The following CACNA1D variants were observed in gnomAD, a reference collection of about 807,000 sequenced individuals.
The protein encoded by CACNA1D is calcium voltage-gated channel subunit alpha1 D.
Under a neutral mutation model 257.1 loss-of-function variants are expected in CACNA1D, and 55 were observed. That is an observed-to-expected ratio of 0.21 (90% CI 0.17 to 0.27). CACNA1D has a LOEUF of 0.27. Ranked by LOEUF, CACNA1D falls within the 10% of genes least tolerant of loss-of-function variation. The pLI, the probability that CACNA1D is intolerant of heterozygous loss-of-function variation, is 1.00. For missense variants in CACNA1D, 1,876 were observed against 2,784.0 expected, an observed-to-expected ratio of 0.67 and a Z score of 7.34; for synonymous variants, 980 against 1,014.9, an observed-to-expected ratio of 0.97 and a Z score of 0.65.
At chr3:53,531,251 T>G (rs1293220267) in intron 3 of CACNA1D, among the ~76,000 whole-genome samples, 1 of 152,200 alleles carries the variant, frequency 6.6e-6, no homozygotes, top group Non-Finnish European at 1.5e-5. Flanking sequence ...TTAGGATCTA[T>G]TTTTTGGATG....
intron 37 of CACNA1D, among the ~76,000 whole-genome samples, chr3:53,777,887 A>G (rs1163894708): frequency 6.6e-6 from 1 of 152,174 alleles, no homozygotes; most frequent in Non-Finnish European, 1.5e-5. Context: ...TTTCAAGGAA[A>G]ACGCAAGGTT....
intron 3 of CACNA1D, among the ~76,000 whole-genome samples, chr3:53,594,712 C>T (rs1354493452): frequency 6.6e-6 from 1 of 152,266 alleles, no homozygotes; most frequent in Non-Finnish European, 1.5e-5. Flanking sequence ...TGATCCCACT[C>T]TCTGCATGCA....
intron 3 of CACNA1D, among the ~76,000 whole-genome samples, chr3:53,604,949 A>T (rs1310788718): frequency 6.6e-6 from 1 of 152,188 alleles, no homozygotes; most frequent in African/African-American, 2.4e-5. Context: ...GGGCTGTTGC[A>T]TTTAGGCCAC....
intron 27 of CACNA1D, among the ~76,000 whole-genome samples, chr3:53,750,533 G>A (rs1015929394): frequency 6.6e-6 from 1 of 152,208 alleles, no homozygotes; most frequent in Non-Finnish European, 1.5e-5. Flanking sequence ...AGAACATGCC[G>A]GTTTGTGTTT....
chr3:53,774,419 T>C lies in CACNA1D; in HGVS notation c.4111-168T>C, dbSNP rs999288442. 3 of 632,054 alleles carry C rather than the reference T, an allele frequency of 4.7e-6. No individual in the cohort carries two copies. The Admixed American group carries it at 6.9e-5, about 15-fold the overall frequency. 39.2% of individuals were successfully genotyped at this position (632,054 alleles called of 1,614,324 possible). A position where few individuals can be genotyped will look rare whatever the true frequency, so the allele number is the denominator to read the frequency against. ...CGTTCCCAGTGTGTAACCTGCTGCCTGGCACATGGTTGTGCCTGGCAGATC... is the reference window on the plus strand; with the variant it reads ...CGTTCCCAGTGTGTAACCTGCTGCCCGGCACATGGTTGTGCCTGGCAGATC... On this transcript the variant is annotated intron_variant, in intron 33 of 47. Transcript: ENST00000350061. The surrounding 1 kb of genome is among the most constrained non-coding windows in gnomAD (Gnocchi z 4.3).
intron 8 of CACNA1D, among the ~76,000 whole-genome samples, chr3:53,682,587 G>A (rs926083633): frequency 5.3e-5 from 8 of 151,182 alleles, no homozygotes; most frequent in Non-Finnish European, 1.2e-4. Context: ...AGAAAAGGTA[G>A]CAGGTGTTAA....
chr3:53,591,374 T>G (rs897303888), intron 3 of CACNA1D, among the ~76,000 whole-genome samples: 1 of 152,208 alleles, frequency 6.6e-6, no homozygotes, highest in Non-Finnish European at 1.5e-5. Context: ...TGCTTCAGCC[T>G]CCCGAGTAGC....
chr3:53,779,175 G>A (rs1010132823), intron 37 of CACNA1D, among the ~76,000 whole-genome samples: 5 of 152,080 alleles, frequency 3.3e-5, no homozygotes, highest in African/African-American at 1.2e-4. Context: ...CTGGAATGGA[G>A]GTCTGACCCT....
At position 53,749,365 on chromosome 3, in the gene CACNA1D, A is replaced by G. The variant is rs2095204118; in HGVS notation, c.3412A>G (p.Ile1138Val). The change falls in exon 27 of 48, where the codon ATT becomes GTT. Residue 1138 changes from isoleucine (I) to valine (V), a missense_variant. By Grantham distance (29) the Ile-to-Val change is conservative. This residue lies in a region of CACNA1D where 271 missense variants were observed against 425.5 expected (regional missense o/e 0.64). Transcript: ENST00000350061. ...ISIFFIIYII[I>V]VAFFMMNIFV... Reference sequence around the variant, plus strand: ...CATCTTCTTCATCATCTACATCATCATTGTAGCTTTCTTCATGATGAACAT... The same window carrying G: ...CATCTTCTTCATCATCTACATCATCGTTGTAGCTTTCTTCATGATGAACAT... The G allele has an allele frequency of 3.1e-6, 5 of 1,611,946 alleles. No homozygotes were observed. The highest frequency in any genetic ancestry group is 4.2e-6 in the Non-Finnish European group (5 of 1,178,028).
chr3:53,587,024 T>C (rs866389927), intron 3 of CACNA1D, among the ~76,000 whole-genome samples: 7 of 152,132 alleles, frequency 4.6e-5, no homozygotes, highest in Admixed American at 1.3e-4. Flanking sequence ...GCGTGATGTG[T>C]TCCTGGAACC....
chr3:53,572,370 G>A (rs55839728), intron 3 of CACNA1D, among the ~76,000 whole-genome samples: 90,571 of 132,608 alleles, frequency 0.68, 30,493 homozygotes, highest in South Asian at 0.78. Context: ...TTGTTTGTTT[G>A]TTTGTTTATT....
intron 39 of CACNA1D, chr3:53,785,691 T>C (rs1357720763): frequency 6.6e-6 from 1 of 152,212 alleles, no homozygotes; most frequent in Non-Finnish European, 1.5e-5. Flanking sequence ...GGTGGCTGAG[T>C]GCTTTACCTG....
chr3:53,635,114 AG>A (rs1199290867), intron 3 of CACNA1D, among the ~76,000 whole-genome samples: 6 of 152,216 alleles, frequency 3.9e-5, no homozygotes, highest in African/African-American at 1.4e-4. Context: ...AAGCTAGAGG[AG>A]GAACCCTCCC....
intron 3 of CACNA1D, among the ~76,000 whole-genome samples, chr3:53,534,897 T>C (rs2092067917): frequency 6.6e-6 from 1 of 152,206 alleles, no homozygotes. Context: ...GAACGTTTCT[T>C]ATGCACCTCA....
intron 3 of CACNA1D, among the ~76,000 whole-genome samples, chr3:53,515,052 G>A (rs1324590160): frequency 2.0e-5 from 3 of 152,170 alleles, no homozygotes; most frequent in African/African-American, 7.2e-5. Context: ...TAATTCCCTT[G>A]GAACACCAAG....
intron 4 of CACNA1D, among the ~76,000 whole-genome samples, chr3:53,653,946 A>G (rs2094123917): frequency 6.6e-6 from 1 of 152,222 alleles, no homozygotes; most frequent in African/African-American, 2.4e-5. Flanking sequence ...AAAACAGAGA[A>G]AAGAAAATCT....
At chr3:53,594,070 G>C (rs377722312) in intron 3 of CACNA1D, among the ~76,000 whole-genome samples, 24 of 152,346 alleles carry the variant, frequency 1.6e-4, no homozygotes, top group African/African-American at 5.5e-4. Flanking sequence ...AGTCTGACAA[G>C]GAGTCTGTGA....
chr3:53,744,411 A>C (rs2095147449), intron 22 of CACNA1D, among the ~76,000 whole-genome samples: 1 of 152,176 alleles, frequency 6.6e-6, no homozygotes, highest in African/African-American at 2.4e-5. Context: ...AAAACAAATG[A>C]TATATGAAGC....
At chr3:53,564,725 A>G (rs1381393021) in intron 3 of CACNA1D, among the ~76,000 whole-genome samples, 1 of 152,182 alleles carries the variant, frequency 6.6e-6, no homozygotes, top group East Asian at 1.9e-4. Flanking sequence ...TCCTTATAAC[A>G]TTAGAGGCAA....
Sources: gnomAD v4.1 joint callset for allele counts (sites outside exome capture counted in the v4.1 genomes callset) on GRCh38, gnomAD v4.1.1 for gene constraint, gnomAD v4.1.1 regional missense constraint, Gnocchi (gnomAD v3.1) non-coding constraint, MANE v1.5 for transcripts, NCBI Gene and HGNC (gene_info 2026-07-23, HGNC 2026-07-21) for gene names.